The following EIF4G2 variants were observed in gnomAD, a reference collection of about 807,000 sequenced individuals.
EIF4G2 encodes the protein DAP-5.
Under a neutral mutation model 117.7 loss-of-function variants are expected in EIF4G2, and 8 were observed. The observed-to-expected ratio is 0.07, with a 90% confidence interval of 0.04 to 0.12. The LOEUF (loss-of-function observed/expected upper bound fraction) is 0.12. Ranked by LOEUF, EIF4G2 falls within the 10% of genes least tolerant of loss-of-function variation. EIF4G2 has a pLI of 1.00. For missense variants in EIF4G2, 812 were observed against 1,086.2 expected (o/e 0.75, Z 3.55); for synonymous variants, 413 against 367.8 (o/e 1.12, Z -1.41).
intron 1 of EIF4G2, 34 bp from the exon 2 acceptor site, chr11:10,807,415 G>T: frequency 1.3e-6 from 2 of 1,568,720 alleles, no homozygotes; most frequent in Non-Finnish European, 8.6e-7. Flanking sequence ...ATTAGACACT[G>T]CTAACATACA....
Position 10,797,567 on chromosome 11 carries a change from G to A in EIF4G2, c.*249C>T. 2 of 455,894 alleles carry A rather than the reference G, an allele frequency of 4.4e-6. No individual in the cohort carries two copies. Among genetic ancestry groups the A allele is most frequent in the South Asian group, 3.0e-5 (1 of 32,954 alleles). 28.2% of individuals were successfully genotyped at this position (455,894 alleles called of 1,614,324 possible). ...CTGCCTCTGCTTGAGAACTTATGAT[G>A]TAATTATTGCATGCTGCTAATATAC... On this transcript the variant is annotated 3_prime_UTR_variant, in exon 22 of 22. Coordinates refer to ENST00000339995, the MANE Select transcript of EIF4G2 (RefSeq NM_001418.4). This position sits in a 1 kb window ranked among gnomAD's most constrained non-coding sequence, Gnocchi z 4.5.
chr11:10,800,300 G>T lies in EIF4G2; in HGVS notation c.1909C>A (p.Pro637Thr). Residue 637 changes from proline (P) to threonine (T), a missense_variant, in exon 18 of 22, where the codon CCT (proline) becomes ACT (threonine). Physicochemically the swap from Pro to Thr is conservative, Grantham distance 38. This residue lies in a region of EIF4G2 where 571 missense variants were observed against 642.3 expected (regional missense o/e 0.89). Transcript: ENST00000339995. The stretch of plus-strand genomic sequence containing the variant: ...TGTGCTAAATAGGATTTCACCAAAG[G>T]GATGTCAACCTCCAGTTTGGGACAC... 6.2e-7 allele frequency: 1 copy of T among 1,614,126 alleles called. No individual in the cohort carries two copies. Among genetic ancestry groups the T allele is most frequent in the Non-Finnish European group, 8.5e-7 (1 of 1,180,014 alleles).
intron 1 of EIF4G2, chr11:10,808,117 C>T: frequency 9.5e-7 from 1 of 1,049,324 alleles, no homozygotes; most frequent in Non-Finnish European, 1.2e-6. Context: ...CTCCTGCCCA[C>T]CCGCCGCCTC....
At chr11:10,805,519 C>T (rs183329238) in intron 4 of EIF4G2, among the ~76,000 whole-genome samples, 3 of 151,792 alleles carry the variant, frequency 2.0e-5, no homozygotes, top group Admixed American at 1.3e-4. Flanking sequence ...GGCGTGATCT[C>T]GGCTCACTGC....
At chr11:10,806,109 T>C (rs1405937369) in intron 3 of EIF4G2, 62 bp from the exon 4 acceptor site, 3 of 1,601,114 alleles carry the variant, frequency 1.9e-6, no homozygotes, top group Non-Finnish European at 2.6e-6. Context: ...ACATCATAAA[T>C]TCTCTTACAT....
In EIF4G2 at chr11:10,806,806, CAT is replaced by C. The variant is rs758247672; in HGVS notation, c.107+12_107+13del. On this transcript the variant is annotated intron_variant, in intron 3 of 21. Coordinates refer to ENST00000339995, the MANE Select transcript of EIF4G2 (RefSeq NM_001418.4). ...TTAAATAAAGCTCACTGTTTTTTTA[CAT>C]GTTTACCACACCTGTTGCCAGCAGT... 15 of 1,613,320 alleles carry C rather than the reference CAT, an allele frequency of 9.3e-6. No individual in the cohort carries two copies. The highest frequency in any genetic ancestry group is 2.2e-5 in the East Asian group (1 of 44,896).
In EIF4G2 at chr11:10,800,154, T is replaced by C. The variant is rs1197427403; in HGVS notation, c.2055A>G (p.Gln685=). The C allele has an allele frequency of 1.9e-6, 3 of 1,614,170 alleles. No homozygotes were observed. Among genetic ancestry groups the C allele is most frequent in the East Asian group, 2.2e-5 (1 of 44,890 alleles). ...AAAGTTCTGTTAACCATTCTCGATC[T>C]TGTAATTTAGCTAACTGCTGAAGAC... Residue 685 remains glutamine (Q), a synonymous_variant, in exon 18 of 22, where the codon CAA becomes CAG. Transcript: ENST00000339995.
At chr11:10,799,188 G>C in intron 20 of EIF4G2, 25 bp downstream of exon 20, 1 of 1,612,560 alleles carries the variant, frequency 6.2e-7, no homozygotes, top group Non-Finnish European at 8.5e-7. Context: ...TCCTCACGCC[G>C]TTCTTCTGAT....
At chr11:10,804,520 C>A in intron 5 of EIF4G2, 102 bp from the exon 6 acceptor site, 1 of 1,399,006 alleles carries the variant, frequency 7.1e-7, no homozygotes, top group Non-Finnish European at 9.5e-7. Context: ...TACAGTCTAC[C>A]AAAAATGTCC....
rs35264886 is a variant in EIF4G2 at position 10,801,025 on chromosome 11, G to A, written c.1476C>T (p.Pro492=). 797 of 1,614,126 alleles carry A rather than the reference G, an allele frequency of 4.9e-4. 8 individuals are homozygous for A. The African/African-American group carries it at 9.7e-3, about 20-fold the overall frequency. Reference sequence around the variant, plus strand: ...CACTAGGAGGAATCATAGTTATCTGGGGCTGAAGCTTTGGCACTTGATTTT... The same window carrying A: ...CACTAGGAGGAATCATAGTTATCTGAGGCTGAAGCTTTGGCACTTGATTTT... Residue 492 remains proline (P), a synonymous_variant, in exon 15 of 22, where the codon CCC becomes CCT. Transcript: ENST00000339995.
At chr11:10,799,885 C>A in intron 18 of EIF4G2, 129 bp from the exon 19 acceptor site, 1 of 1,249,360 alleles carries the variant, frequency 8.0e-7, no homozygotes, top group East Asian at 2.4e-5. Flanking sequence ...AGAACCAACC[C>A]AGCAAATGAA....
At chr11:10,805,038 T>G (rs1847523983) in intron 4 of EIF4G2, 23 bp from the exon 5 acceptor site, 1 of 1,568,418 alleles carries the variant, frequency 6.4e-7, no homozygotes, top group Non-Finnish European at 8.8e-7. Context: ...GAATTACATT[T>G]TAAGTGTTAG....
intron 1 of EIF4G2, chr11:10,808,179 C>T (rs1264430083): frequency 1.1e-5 from 12 of 1,118,832 alleles, no homozygotes; most frequent in African/African-American, 3.5e-5. Context: ...ACAACCGCCT[C>T]GCCACGGCCT....
intron 14 of EIF4G2, 88 bp from the exon 15 acceptor site, chr11:10,801,175 CAG>C (rs1402234266): frequency 6.5e-7 from 1 of 1,534,514 alleles, no homozygotes; most frequent in East Asian, 2.3e-5. Flanking sequence ...TATACAGTGA[CAG>C]AATCTAGGGA....
chr11:10,801,362 G>A, intron 14 of EIF4G2: 2 of 618,104 alleles, frequency 3.2e-6, no homozygotes, highest in South Asian at 3.8e-5. Context: ...TTTAACTACA[G>A]TTTAGAAAAT....
At position 10,797,834 on chromosome 11, in the gene EIF4G2, T is replaced by C. The variant is rs1847301167; in HGVS notation, c.2706A>G (p.Ser902=). The change falls in exon 22 of 22, where the codon TCA becomes TCG. Residue 902 remains serine (S), a synonymous_variant. Coordinates refer to ENST00000339995, the MANE Select transcript of EIF4G2 (RefSeq NM_001418.4). This position sits in a 1 kb window ranked among gnomAD's most constrained non-coding sequence, Gnocchi z 4.5. Reference sequence around the variant, plus strand: ...TGGTTCTTTAGTCAGCTTCTTCCTCTGATTCTTCTTCTTCAGCAGTTTCTA... The same window carrying C: ...TGGTTCTTTAGTCAGCTTCTTCCTCCGATTCTTCTTCTTCAGCAGTTTCTA... 2.5e-6 allele frequency: 4 copies of C among 1,614,068 alleles called. No individual in the cohort carries two copies. In the African/African-American group the frequency reaches 5.3e-5, roughly 22 times the overall value.
Position 10,806,883 on chromosome 11 carries a change from G to A in EIF4G2, c.44C>T (p.Ala15Val). 1 of 1,614,058 alleles carries A rather than the reference G, an allele frequency of 6.2e-7. No individual in the cohort carries two copies. Among genetic ancestry groups the A allele is most frequent in the Non-Finnish European group, 8.5e-7 (1 of 1,180,010 alleles). ...CCTACTTCCTCCTCCGCCCGAAGAAGCACTATTTAAAAGAAAAAAATTGTT... is the reference window on the plus strand; with the variant it reads ...CCTACTTCCTCCTCCGCCCGAAGAAACACTATTTAAAAGAAAAAAATTGTT... Residue 15 changes from alanine to valine, a missense_variant and splice_region_variant, in exon 3 of 22, where the codon GCT becomes GTT. By Grantham distance (64) the Ala-to-Val change is moderately conservative. Coordinates refer to ENST00000339995, the MANE Select transcript of EIF4G2 (RefSeq NM_001418.4).
At position 10,799,384 on chromosome 11, in the gene EIF4G2, C is replaced by T. The variant is rs373038126; in HGVS notation, c.2365G>A (p.Asp789Asn). The T allele has an allele frequency of 1.4e-5, 22 of 1,612,204 alleles. No individual in the cohort carries two copies. The highest frequency in any genetic ancestry group is 1.7e-5 in the Admixed American group (1 of 59,994). ...GGAGCAGAGGATGAATCTGTTTCAT[C>T]GCTGGGGGGGTTTACTTCACTAGAA... is the stretch of plus-strand genomic sequence containing the variant. Residue 789 changes from aspartate (D) to asparagine (N), a missense_variant, in exon 20 of 22, where the codon GAT (aspartate) becomes AAT (asparagine). By Grantham distance (23) the Asp-to-Asn change is conservative. Coordinates refer to ENST00000339995, the MANE Select transcript of EIF4G2 (RefSeq NM_001418.4).
Position 10,797,937 on chromosome 11 carries a change from C to CA in EIF4G2, c.2659-57dup. On this transcript the variant is annotated intron_variant, in intron 21 of 21. Coordinates refer to ENST00000339995, the MANE Select transcript of EIF4G2 (RefSeq NM_001418.4). The surrounding 1 kb of genome is among the most constrained non-coding windows in gnomAD (Gnocchi z 4.5). The stretch of plus-strand genomic sequence containing the variant: ...TTCATGATATAAACAGAAATCCATC[C>CA]AAAAAGTTTTAGGTGGTACTACACA... 1 of 1,568,556 alleles carries CA rather than the reference C, an allele frequency of 6.4e-7. No homozygotes were observed.
Sources: allele counts gnomAD v4.1 joint callset (sites outside exome capture counted in the v4.1 genomes callset), GRCh38; gene constraint gnomAD v4.1.1; regional missense constraint gnomAD v4.1.1; non-coding constraint Gnocchi (gnomAD v3.1); transcripts MANE v1.5; gene names NCBI Gene and HGNC (gene_info 2026-07-23, HGNC 2026-07-21).